The following HHLA1 variants were observed in gnomAD, a reference collection of about 807,000 sequenced individuals.
HHLA1 encodes HHLA1 neighbor of OC90.
Under a neutral mutation model 69.9 loss-of-function variants are expected in HHLA1, and 72 were observed. The ratio of observed to expected loss-of-function variants is 1.03; its 90% CI spans 0.85 to 1.25. The LOEUF (loss-of-function observed/expected upper bound fraction) is 1.25, where lower values mean the gene tolerates loss of function less well. Ranked by LOEUF, HHLA1 falls within the 50% of genes most tolerant of loss-of-function variation. The pLI is 0.00. For synonymous variants in HHLA1, 252 were observed against 233.2 expected (o/e 1.08, Z -0.73); for missense variants, 685 against 642.2 (o/e 1.07, Z -0.72).
At chr8:132,075,990 T>C in intron 14 of HHLA1, 65 bp downstream of exon 14, 2 of 1,193,338 alleles carry the variant, frequency 1.7e-6, no homozygotes, top group South Asian at 1.3e-5. Flanking sequence ...CCTCTCCTTA[T>C]TCTACTACAT....
At chr8:132,086,135 T>C (rs1966702) in intron 10 of HHLA1, among the ~76,000 whole-genome samples, 132,107 of 152,134 alleles carry the variant, frequency 0.87, 58,217 homozygotes, top group Middle Eastern at 0.95. Context: ...GGTTGCTCCA[T>C]GAAGAAAAGA....
intron 10 of HHLA1, 121 bp from the exon 11 acceptor site, chr8:132,080,087 G>T: frequency 7.6e-7 from 1 of 1,319,734 alleles, no homozygotes; most frequent in Non-Finnish European, 1.1e-6. Context: ...CTAATTAAAA[G>T]TATCAGGCAT....
chr8:132,102,725 C>T (rs1040347420), intron 3 of HHLA1, among the ~76,000 whole-genome samples: 2 of 151,842 alleles, frequency 1.3e-5, no homozygotes, highest in Non-Finnish European at 2.9e-5. Context: ...GGCTACCAGG[C>T]TGGCAGGATT....
intron 16 of HHLA1, among the ~76,000 whole-genome samples, chr8:132,065,649 A>G (rs1823424123): frequency 6.6e-6 from 1 of 152,208 alleles, no homozygotes; most frequent in Non-Finnish European, 1.5e-5. Context: ...TCACGCAGAG[A>G]GCAAAAGTGC....
chr8:132,100,854 A>G (rs1382856811), intron 3 of HHLA1, among the ~76,000 whole-genome samples: 1 of 152,222 alleles, frequency 6.6e-6, no homozygotes, highest in African/African-American at 2.4e-5. Context: ...CATTAAGCAG[A>G]GACCAGAAGG....
intron 14 of HHLA1, among the ~76,000 whole-genome samples, chr8:132,073,188 A>C (rs1451843775): frequency 6.6e-6 from 1 of 152,160 alleles, no homozygotes; most frequent in East Asian, 1.9e-4. Context: ...TATGTTGCCC[A>C]GGCTGGTCTG....
intron 1 of HHLA1, among the ~76,000 whole-genome samples, chr8:132,107,714 C>A (rs7822239): frequency 0.072 from 10,922 of 152,210 alleles, 603 homozygotes; most frequent in East Asian, 0.3. Context: ...GCCAAGTCAA[C>A]TACATGTTTG....
chr8:132,103,383 C>T (rs1008000577), intron 3 of HHLA1, among the ~76,000 whole-genome samples: 2 of 152,090 alleles, frequency 1.3e-5, no homozygotes, highest in Non-Finnish European at 1.5e-5. Context: ...TTTGGAAGGC[C>T]GAGGCAAGTG....
rs186634930 is a variant in HHLA1 at position 132,070,970 on chromosome 8, A to G, written c.1469+370T>C. Among the ~76,000 whole-genome samples the G allele has an allele frequency of 3.9e-4, 59 of 150,800 alleles. 1 individual carries two copies. The highest frequency in any genetic ancestry group is 3.0e-3 in the Admixed American group (45 of 15,204). On this transcript the variant is annotated intron_variant, in intron 15 of 16. Coordinates refer to ENST00000414222, the MANE Select transcript of HHLA1 (RefSeq NM_001145095.3). ...ACTGATCACAACTCCAGTCATCTCA[A>G]CTCATCACAGCTTAAGTCATCTCAA...
At chr8:132,097,120 C>T (rs989161531) in intron 5 of HHLA1, among the ~76,000 whole-genome samples, 2 of 152,306 alleles carry the variant, frequency 1.3e-5, no homozygotes, top group African/African-American at 4.8e-5. Context: ...GACCCCAATG[C>T]CATACACTGA....
At chr8:132,072,770 T>C (rs1227891364) in intron 14 of HHLA1, among the ~76,000 whole-genome samples, 1 of 152,220 alleles carries the variant, frequency 6.6e-6, no homozygotes, top group Non-Finnish European at 1.5e-5. Flanking sequence ...AATAGGTGAT[T>C]TTACAACTAG....
chr8:132,105,472 T>C (rs991340436), intron 1 of HHLA1, among the ~76,000 whole-genome samples, 186 bp from the exon 2 acceptor site: 4 of 152,180 alleles, frequency 2.6e-5, no homozygotes, highest in African/African-American at 9.7e-5. Flanking sequence ...GAAAAGTTGA[T>C]TTCTTGTTTG....
In HHLA1 at chr8:132,074,814, G is replaced by A. The variant is rs548646648; in HGVS notation, c.1315+1241C>T. 1.7e-4 allele frequency among the ~76,000 whole-genome samples: 26 copies of A among 152,234 alleles called. No homozygotes were observed. The South Asian group carries it at 5.2e-3, about 30-fold the overall frequency. ...TTAATTGAAGGATGGATAGATAGATGGCTTGGATAAATATCTATTAGATAG... is the reference window on the plus strand; with the variant it reads ...TTAATTGAAGGATGGATAGATAGATAGCTTGGATAAATATCTATTAGATAG... On this transcript the variant is annotated intron_variant, in intron 14 of 16. Coordinates refer to ENST00000414222, the MANE Select transcript of HHLA1 (RefSeq NM_001145095.3).
At chr8:132,084,621 T>C (rs1823828904) in intron 10 of HHLA1, among the ~76,000 whole-genome samples, 1 of 151,916 alleles carries the variant, frequency 6.6e-6, no homozygotes, top group South Asian at 2.1e-4. Flanking sequence ...AAATAAGGCA[T>C]TTAGGTTTTA....
At chr8:132,104,256 G>A in intron 2 of HHLA1, 89 bp from the exon 3 acceptor site, 1 of 874,262 alleles carries the variant, frequency 1.1e-6, no homozygotes, top group Admixed American at 2.2e-5. Context: ...TTACAGATGA[G>A]AGAATTATGA....
chr8:132,087,557 AAC>A, intron 10 of HHLA1, 94 bp downstream of exon 10: 1 of 736,966 alleles, frequency 1.4e-6, no homozygotes, highest in Non-Finnish European at 2.3e-6. Context: ...AGTATAGCGA[AAC>A]ACAACACCTG....
At chr8:132,099,100 T>C in intron 4 of HHLA1, 138 bp from the exon 5 acceptor site, 1 of 623,242 alleles carries the variant, frequency 1.6e-6, no homozygotes, top group Non-Finnish European at 2.8e-6. Context: ...GCACGAGGGG[T>C]TCCAAGTTAA....
At chr8:132,090,068 GAGACA>G (rs916470767) in intron 7 of HHLA1, among the ~76,000 whole-genome samples, 12 of 152,190 alleles carry the variant, frequency 7.9e-5, no homozygotes, top group African/African-American at 2.7e-4. Flanking sequence ...ATGAACAATA[GAGACA>G]AGACAAGACA....
At chr8:132,107,816 A>G (rs1422328318) in intron 1 of HHLA1, among the ~76,000 whole-genome samples, 2 of 129,232 alleles carry the variant, frequency 1.5e-5, no homozygotes, top group African/African-American at 6.0e-5. Context: ...ATCTCATGCA[A>G]TATTTGGAAC....
Sources: allele counts gnomAD v4.1 joint callset (sites outside exome capture counted in the v4.1 genomes callset), GRCh38; gene constraint gnomAD v4.1.1; transcripts MANE v1.5; gene names NCBI Gene and HGNC (gene_info 2026-07-23, HGNC 2026-07-21).